ADAMTS9: variants seen among roughly 807,000 people sequenced by gnomAD.
The protein encoded by ADAMTS9 is A disintegrin and metalloproteinase with thrombospondin motifs 9.
ADAMTS9 carries 107 observed loss-of-function variants against 257.1 expected under a neutral mutation model. The observed-to-expected ratio is 0.42, with a 90% confidence interval of 0.36 to 0.49. The LOEUF is 0.49. ADAMTS9 is among the 20% of genes least tolerant of loss of function. ADAMTS9 has a pLI of 0.03. For missense variants in ADAMTS9, 2,353 were observed against 2,469.1 expected (o/e 0.95, Z 1.00); for synonymous variants, 982 against 880.9 (o/e 1.11, Z -2.03).
At chr3:64,612,453 T>C (rs1486851795) in intron 22 of ADAMTS9, among the ~76,000 whole-genome samples, 1 of 152,228 alleles carries the variant, frequency 6.6e-6, no homozygotes, top group Non-Finnish European at 1.5e-5. Flanking sequence ...GTGGATGCTA[T>C]GAAATGGGGA....
rs1700419832 is a variant in ADAMTS9, at chr3:64,633,500, T to C, written c.2147A>G (p.Asn716Ser). 6 of 1,614,078 alleles carry C rather than the reference T, an allele frequency of 3.7e-6. No individual in the cohort carries two copies. The highest frequency in any genetic ancestry group is 1.1e-5 in the South Asian group (1 of 91,084). The part of the protein sequence containing the change: ...IDGTPCGQDT[N>S]DICVQGLCRQ... Reference sequence around the variant, plus strand: ...GCAAAGGCCCTGGACACAGATATCATTTGTGTCCTGGCCACAAGGAGTTCC... The same window carrying C: ...GCAAAGGCCCTGGACACAGATATCACTTGTGTCCTGGCCACAAGGAGTTCC... Residue 716 changes from asparagine (N) to serine (S), a missense_variant, in exon 14 of 40, where the codon AAT (asparagine) becomes AGT (serine). By Grantham distance (46) the Asn-to-Ser change is conservative (BLOSUM62 1). Coordinates refer to ENST00000498707, the MANE Select transcript of ADAMTS9 (RefSeq NM_182920.2).
intron 28 of ADAMTS9, among the ~76,000 whole-genome samples, chr3:64,590,864 T>G (rs973221072): frequency 2.0e-5 from 3 of 152,108 alleles, no homozygotes; most frequent in Non-Finnish European, 4.4e-5. Context: ...AAGCACAGTT[T>G]CCAAGGTGAT....
intron 28 of ADAMTS9, among the ~76,000 whole-genome samples, chr3:64,581,103 A>C: frequency 6.6e-6 from 1 of 152,224 alleles, no homozygotes; most frequent in Non-Finnish European, 1.5e-5. Flanking sequence ...AATGCACACA[A>C]AGGACCTGGT....
intron 12 of ADAMTS9, among the ~76,000 whole-genome samples, chr3:64,639,711 CAAAT>C (rs757128348): frequency 1.4e-4 from 21 of 152,032 alleles, no homozygotes; most frequent in Non-Finnish European, 2.8e-4. Context: ...ATGTAGCCAC[CAAAT>C]AGTTTTTAAT....
chr3:64,622,377 C>G (rs753016207), intron 17 of ADAMTS9, 43 bp downstream of exon 17: 1 of 1,612,516 alleles, frequency 6.2e-7, no homozygotes, highest in South Asian at 1.1e-5. Flanking sequence ...TTAGTAATGC[C>G]AAGCAGAAGA....
In ADAMTS9 at chr3:64,574,529, C is replaced by T. The variant is rs371484709; in HGVS notation, c.4357-5994G>A. Among the ~76,000 whole-genome samples the T allele has an allele frequency of 4.4e-5, 6 of 135,388 alleles. No homozygotes were observed. In the East Asian group the frequency reaches 8.9e-4, roughly 20 times the overall value. 88.8% of individuals were successfully genotyped at this position (135,388 alleles called of 152,430 possible). On this transcript the variant is annotated intron_variant, in intron 28 of 39. Coordinates refer to ENST00000498707, the MANE Select transcript of ADAMTS9 (RefSeq NM_182920.2). ...CTTGAACCCAGGAGTTTGAGACTGG[C>T]CTGGGCAACATGACAAGACCCCATC...
chr3:64,608,674 G>C (rs1203541066), intron 22 of ADAMTS9, among the ~76,000 whole-genome samples: 3 of 151,738 alleles, frequency 2.0e-5, no homozygotes, highest in African/African-American at 7.3e-5. Flanking sequence ...GTTTGTACCA[G>C]TTCACTCATG....
chr3:64,550,196 T>G (rs936984241), intron 31 of ADAMTS9: 2 of 152,224 alleles, frequency 1.3e-5, no homozygotes, highest in South Asian at 2.1e-4. Flanking sequence ...AGATAAGCAC[T>G]GTGCACAGGA....
chr3:64,607,681 T>C (rs1235936158), intron 22 of ADAMTS9, among the ~76,000 whole-genome samples: 1 of 152,154 alleles, frequency 6.6e-6, no homozygotes, highest in East Asian at 1.9e-4. Context: ...GCTCCAAGAA[T>C]TGGTCCCTCC....
intron 29 of ADAMTS9, among the ~76,000 whole-genome samples, chr3:64,567,682 G>A (rs1370134221): frequency 6.6e-6 from 1 of 152,044 alleles, no homozygotes; most frequent in East Asian, 1.9e-4. Context: ...ACTGTAATCA[G>A]TGTCTTGGGT....
At chr3:64,673,827 A>G (rs1468659091) in intron 3 of ADAMTS9, among the ~76,000 whole-genome samples, 1 of 152,128 alleles carries the variant, frequency 6.6e-6, no homozygotes, top group African/African-American at 2.4e-5. Flanking sequence ...TACTCAGCAT[A>G]AAGAAAAATA....
Position 64,580,994 on chromosome 3 carries a change from A to C in ADAMTS9, c.4357-12459T>G, listed in dbSNP as rs188510801. Among the ~76,000 whole-genome samples, 371 of 152,322 alleles carry C rather than the reference A, an allele frequency of 2.4e-3. 2 individuals are homozygous for C. Among genetic ancestry groups the C allele is most frequent in the African/African-American group, 8.6e-3 (357 of 41,572 alleles). On this transcript the variant is annotated intron_variant, in intron 28 of 39. Coordinates refer to ENST00000498707, the MANE Select transcript of ADAMTS9 (RefSeq NM_182920.2). ...TCCAATAATTACTGACTGTATAATT[A>C]TTGGGAACCTTTCTTAACTTCCCTA...
rs200122001 is a variant in ADAMTS9 at position 64,550,951 on chromosome 3, G to A, written c.4810C>T (p.Arg1604Cys). The A allele has an allele frequency of 7.6e-5, 122 of 1,614,104 alleles. No homozygotes were observed. Among genetic ancestry groups the A allele is most frequent in the Non-Finnish European group, 8.7e-5 (103 of 1,180,016 alleles). Reference sequence around the variant, plus strand: ...CAGGGTTGCAAACTACAGCTTTCACGGTCCACCGGCCGCTTGCTCACGTCA... The same window carrying A: ...CAGGGTTGCAAACTACAGCTTTCACAGTCCACCGGCCGCTTGCTCACGTCA... ...RCDVSKRPVD[R>C]ESCSLQPCEY... Residue 1604 changes from arginine (R) to cysteine (C), a missense_variant, in exon 31 of 40, where the codon CGT becomes TGT. Arg to Cys is a radical substitution (Grantham distance 180, BLOSUM62 -3). Coordinates refer to ENST00000498707, the MANE Select transcript of ADAMTS9 (RefSeq NM_182920.2).
intron 14 of ADAMTS9, among the ~76,000 whole-genome samples, chr3:64,633,113 A>G (rs1700409713): frequency 6.6e-6 from 1 of 152,176 alleles, no homozygotes; most frequent in Admixed American, 6.5e-5. Flanking sequence ...CAGCTATTCA[A>G]TCTAAAAAAT....
chr3:64,638,634 G>A (rs1248859969), intron 12 of ADAMTS9, among the ~76,000 whole-genome samples: 1 of 152,054 alleles, frequency 6.6e-6, no homozygotes, highest in Non-Finnish European at 1.5e-5. Context: ...CAAAATATGA[G>A]GGCCCCACCT....
chr3:64,604,535 C>A (rs557829175), intron 23 of ADAMTS9, among the ~76,000 whole-genome samples: 1 of 152,038 alleles, frequency 6.6e-6, no homozygotes, highest in African/African-American at 2.4e-5. Context: ...TTTGTGGGTG[C>A]CTTAATAAAG....
rs952673080 is a variant in ADAMTS9, at chr3:64,622,110, G to A, written c.2686+88C>T. ...ACGTATGCAGATAGAAGGGTTTGCA[G>A]TTTGCATGCATTTGGCTGTTATTAA... is the stretch of plus-strand genomic sequence containing the variant. On this transcript the variant is annotated intron_variant, in intron 18 of 39. Coordinates refer to ENST00000498707, the MANE Select transcript of ADAMTS9 (RefSeq NM_182920.2). 15 of 1,372,894 alleles carry A rather than the reference G, an allele frequency of 1.1e-5. No individual in the cohort carries two copies. The African/African-American group carries it at 1.9e-4, about 18-fold the overall frequency. 85.0% of individuals were successfully genotyped at this position (1,372,894 alleles called of 1,614,324 possible).
chr3:64,530,651 G>A (rs964680274), intron 38 of ADAMTS9, among the ~76,000 whole-genome samples: 8 of 151,984 alleles, frequency 5.3e-5, no homozygotes, highest in African/African-American at 1.9e-4. Flanking sequence ...ATAAGGTGGC[G>A]CTCCTGGCTT....
At position 64,595,958 on chromosome 3, in the gene ADAMTS9, T is replaced by C. The variant is rs931506112; in HGVS notation, c.4179+872A>G. Among the ~76,000 whole-genome samples, 5 of 152,302 alleles carry C rather than the reference T, an allele frequency of 3.3e-5. No homozygotes were observed. The East Asian group carries it at 7.7e-4, about 24-fold the overall frequency. Reference sequence around the variant, plus strand: ...TCTTAGTTAATTAAACACAAAACAATAAGCATCTAGGCCCTATGTATAATA... The same window carrying C: ...TCTTAGTTAATTAAACACAAAACAACAAGCATCTAGGCCCTATGTATAATA... On this transcript the variant is annotated intron_variant, in intron 27 of 39. Coordinates refer to ENST00000498707, the MANE Select transcript of ADAMTS9 (RefSeq NM_182920.2).
Sources: allele counts gnomAD v4.1 joint callset (sites outside exome capture counted in the v4.1 genomes callset), GRCh38; gene constraint gnomAD v4.1.1; transcripts MANE v1.5; gene names NCBI Gene and HGNC (gene_info 2026-07-23, HGNC 2026-07-21).